BUB1B: variants seen among roughly 807,000 people sequenced by gnomAD.
BUB1B encodes BUB1 mitotic checkpoint serine/threonine kinase B.
A neutral mutation model predicts 137.7 loss-of-function variants in BUB1B; 86 were observed. The observed-to-expected ratio is 0.62, with a 90% CI of 0.52 to 0.75. The LOEUF (loss-of-function observed/expected upper bound fraction) is 0.75. Among genes scored for constraint, BUB1B ranks in the 30% least tolerant of loss-of-function variants. The probability of loss-of-function intolerance (pLI) is 0.00; values close to 1 mark genes in which losing one functional copy is unlikely to be tolerated. For missense variants in BUB1B, 1,130 were observed against 1,236.9 expected (o/e 0.91, Z 1.30); for synonymous variants, 420 against 417.9 (o/e 1.00, Z -0.06).
intron 12 of BUB1B, among the ~76,000 whole-genome samples, chr15:40,201,565 T>G (rs2037569444): frequency 6.6e-6 from 1 of 152,120 alleles, no homozygotes; most frequent in Non-Finnish European, 1.5e-5. Flanking sequence ...CCCCCAAAAC[T>G]CTATAGAATA....
At chr15:40,182,855 T>TA (rs1290425428) in intron 5 of BUB1B, among the ~76,000 whole-genome samples, 6 of 152,112 alleles carry the variant, frequency 3.9e-5, no homozygotes, top group African/African-American at 1.4e-4. Context: ...AATAGAAGAA[T>TA]AAAAAAACAG....
At chr15:40,196,007 T>C (rs751937220) in intron 8 of BUB1B, among the ~76,000 whole-genome samples, 6 of 152,198 alleles carry the variant, frequency 3.9e-5, no homozygotes, top group Non-Finnish European at 7.4e-5. Flanking sequence ...TAATTATCTT[T>C]GTTTTTGTTG....
At chr15:40,216,308 C>T (rs1331651483) in intron 20 of BUB1B, among the ~76,000 whole-genome samples, 4 of 151,680 alleles carry the variant, frequency 2.6e-5, no homozygotes, top group African/African-American at 2.4e-5. Flanking sequence ...CATGGTGGCA[C>T]ACACCAGTAG....
chr15:40,214,789 G>A (rs1336728207), intron 20 of BUB1B, among the ~76,000 whole-genome samples: 1 of 152,090 alleles, frequency 6.6e-6, no homozygotes, highest in Non-Finnish European at 1.5e-5. Context: ...ACAATTCTTT[G>A]TGCAGGTGTG....
chr15:40,218,340 A>G (rs2037829964), intron 21 of BUB1B, 116 bp from the exon 22 acceptor site: 1 of 766,006 alleles, frequency 1.3e-6, no homozygotes, highest in Admixed American at 2.0e-5. Context: ...ACTAAAATGT[A>G]TGTCATAAAA....
At chr15:40,199,063 G>A (rs1462369987) in intron 9 of BUB1B, among the ~76,000 whole-genome samples, 1 of 152,046 alleles carries the variant, frequency 6.6e-6, no homozygotes, top group Non-Finnish European at 1.5e-5. Context: ...CCTGCATTGG[G>A]GCCTTTGTGC....
chr15:40,196,255 T>A (rs1352201080), intron 8 of BUB1B, among the ~76,000 whole-genome samples: 1 of 152,194 alleles, frequency 6.6e-6, no homozygotes, highest in Non-Finnish European at 1.5e-5. Context: ...CTTTCCCCAC[T>A]TTACGCTTTT....
At chr15:40,194,644 G>A (rs902816712) in intron 8 of BUB1B, among the ~76,000 whole-genome samples, 1 of 152,106 alleles carries the variant, frequency 6.6e-6, no homozygotes, top group African/African-American at 2.4e-5. Context: ...TGATCCACAG[G>A]GTTGAAAATA....
chr15:40,206,606 A>C (rs936048269), intron 15 of BUB1B, 148 bp downstream of exon 15: 10 of 964,086 alleles, frequency 1.0e-5, no homozygotes, highest in African/African-American at 1.6e-5. Flanking sequence ...GCTGCCCCAG[A>C]TGAAGTGTCA....
intron 13 of BUB1B, 56 bp from the exon 14 acceptor site, chr15:40,202,533 A>G: frequency 6.3e-7 from 1 of 1,596,172 alleles, no homozygotes; most frequent in Non-Finnish European, 8.6e-7. Flanking sequence ...AAGTGAGGAT[A>G]AATTAGGGGT....
Position 40,206,306 on chromosome 15 carries a change from C to T in BUB1B, c.1857C>T (p.Ser619=). 4 of 1,614,132 alleles carry T rather than the reference C, an allele frequency of 2.5e-6. No homozygotes were observed. Among genetic ancestry groups the T allele is most frequent in the African/African-American group, 1.3e-5 (1 of 75,038 alleles). ...CDFARAARFV[S]TPFHEIMSLK... ...TTGCCAGAGCAGCTCGTTTTGTATC[C>T]ACTCCTTTTCATGAGATAATGTCCT... Residue 619 remains serine (S), a synonymous_variant, in exon 15 of 23, where the codon TCC becomes TCT. Transcript: ENST00000287598.
At chr15:40,172,258 C>A (rs895081378) in intron 4 of BUB1B, among the ~76,000 whole-genome samples, 1 of 151,838 alleles carries the variant, frequency 6.6e-6, no homozygotes, top group Non-Finnish European at 1.5e-5. Flanking sequence ...AAATTTCTTA[C>A]TAAAGTCTTA....
chr15:40,176,593 C>T lies in BUB1B; in HGVS notation c.501C>T (p.Asn167=), dbSNP rs781338363. Residue 167 remains asparagine (N), a synonymous_variant, in exon 5 of 23, where the codon AAC becomes AAT. Coordinates refer to ENST00000287598, the MANE Select transcript of BUB1B (RefSeq NM_001211.6). ...SWAEEYEARE[N]FRKADAIFQE... ...CAGAAGAATATGAAGCTAGAGAAAA[C>T]TTTAGGAAAGCAGATGCGATATTTC... The T allele has an allele frequency of 1.2e-6, 2 of 1,613,968 alleles. No homozygotes were observed. Among genetic ancestry groups the T allele is most frequent in the South Asian group, 2.2e-5 (2 of 91,090 alleles).
intron 18 of BUB1B, among the ~76,000 whole-genome samples, chr15:40,212,061 C>G (rs2037720207): frequency 1.3e-5 from 2 of 152,208 alleles, no homozygotes; most frequent in Non-Finnish European, 2.9e-5. Context: ...TCTTGAACCC[C>G]TGATGTCAGG....
At position 40,215,972 on chromosome 15, in the gene BUB1B, A is replaced by C. The variant is rs927920624; in HGVS notation, c.2679-1524A>C. ...TTGAAATTGCTTAGTTTAGTTGCTTACTTTAGTTTCTGCATATTTTTTGTG... is the reference window on the plus strand; with the variant it reads ...TTGAAATTGCTTAGTTTAGTTGCTTCCTTTAGTTTCTGCATATTTTTTGTG... On this transcript the variant is annotated intron_variant, in intron 20 of 22. Coordinates refer to ENST00000287598, the MANE Select transcript of BUB1B (RefSeq NM_001211.6). Among the ~76,000 whole-genome samples the C allele has an allele frequency of 2.0e-5, 3 of 152,284 alleles. No homozygotes were observed. In the East Asian group the frequency reaches 5.8e-4, roughly 29 times the overall value.
At chr15:40,192,679 A>G (rs1250767438) in intron 8 of BUB1B, among the ~76,000 whole-genome samples, 2 of 152,074 alleles carry the variant, frequency 1.3e-5, no homozygotes, top group East Asian at 3.9e-4. Context: ...GGCTCCTTCC[A>G]CTTAACAATA....
intron 12 of BUB1B, 98 bp downstream of exon 12, chr15:40,201,078 G>A: frequency 1.8e-6 from 2 of 1,113,938 alleles, no homozygotes; most frequent in Non-Finnish European, 2.7e-6. Flanking sequence ...GGGATTGAAA[G>A]ACAGGGGGAC....
At chr15:40,193,523 C>T (rs2037462608) in intron 8 of BUB1B, among the ~76,000 whole-genome samples, 1 of 144,256 alleles carries the variant, frequency 6.9e-6, no homozygotes, top group Non-Finnish European at 1.5e-5. Context: ...CTCTGTTGCC[C>T]AGGCTGGGCT....
intron 1 of BUB1B, among the ~76,000 whole-genome samples, chr15:40,162,719 A>C (rs775297162): frequency 2.6e-5 from 4 of 152,188 alleles, no homozygotes; most frequent in Non-Finnish European, 5.9e-5. Context: ...AGACTGTGGG[A>C]GGAGCAGGTC....
Sources: allele counts gnomAD v4.1 joint callset (sites outside exome capture counted in the v4.1 genomes callset), GRCh38; gene constraint gnomAD v4.1.1; transcripts MANE v1.5; gene names NCBI Gene and HGNC (gene_info 2026-07-23, HGNC 2026-07-21).